PIKFYVE: variants seen among roughly 807,000 people sequenced by gnomAD.
The protein encoded by PIKFYVE is 1-phosphatidylinositol 3-phosphate 5-kinase.
PIKFYVE carries 122 observed loss-of-function variants against 257.9 expected under a neutral mutation model. The ratio of observed to expected loss-of-function variants is 0.47; its 90% CI spans 0.41 to 0.55. The LOEUF is 0.55. Ranked by LOEUF, PIKFYVE falls within the 20% of genes least tolerant of loss-of-function variation. The pLI, the probability that PIKFYVE is intolerant of heterozygous loss-of-function variation, is 0.00. For missense variants in PIKFYVE, 2,160 were observed against 2,536.6 expected, an observed-to-expected ratio of 0.85 and a Z score of 3.19; for synonymous variants, 892 against 868.9, an observed-to-expected ratio of 1.03 and a Z score of -0.47.
At chr2:208,318,051 C>A in intron 16 of PIKFYVE, 110 bp downstream of exon 16, 1 of 1,148,724 alleles carries the variant, frequency 8.7e-7, no homozygotes, top group Non-Finnish European at 1.3e-6. Flanking sequence ...CAATGAAAGG[C>A]AGCTGTGTCT....
intron 17 of PIKFYVE, among the ~76,000 whole-genome samples, chr2:208,321,332 G>T (rs1696178029): frequency 6.6e-6 from 1 of 151,886 alleles, no homozygotes; most frequent in South Asian, 2.1e-4. Context: ...TTCAAGAGTG[G>T]TAGGAGCAAT....
chr2:208,273,693 G>A lies in PIKFYVE; in HGVS notation c.282G>A (p.Lys94=), dbSNP rs1268335408. ...QSVRSPTPYK[K]QLNEELQRRS... ...TTAGGTCACCCACACCTTATAAAAA[G>A]CAGCTTAATGAGGAACTCCAGCGGC... is the stretch of plus-strand genomic sequence containing the variant. Residue 94 remains lysine, a synonymous_variant, in exon 3 of 42, where the codon AAG becomes AAA. Coordinates refer to ENST00000264380, the MANE Select transcript of PIKFYVE (RefSeq NM_015040.4). The A allele has an allele frequency of 6.2e-7, 1 of 1,614,012 alleles. No homozygotes were observed. The highest frequency in any genetic ancestry group is 8.5e-7 in the Non-Finnish European group (1 of 1,180,036).
chr2:208,349,556 T>A (rs1699573970), intron 35 of PIKFYVE, among the ~76,000 whole-genome samples: 1 of 150,444 alleles, frequency 6.6e-6, no homozygotes, highest in South Asian at 2.1e-4. Context: ...TTATATATTA[T>A]GTAACTAGTA....
At position 208,272,555 on chromosome 2, in the gene PIKFYVE, G is replaced by A. The variant is rs539018356; in HGVS notation, c.172+864G>A. ...TATTTTTAAAATGAGCTCTTTTTAA[G>A]TAATATGTCTTTTACTTGGGACAAG... On this transcript the variant is annotated intron_variant, in intron 2 of 41. Coordinates refer to ENST00000264380, the MANE Select transcript of PIKFYVE (RefSeq NM_015040.4). Among the ~76,000 whole-genome samples, 91 of 152,244 alleles carry A rather than the reference G, an allele frequency of 6.0e-4. 4 individuals are homozygous for A. The South Asian group carries it at 0.018, about 31-fold the overall frequency.
chr2:208,302,704 T>C, intron 10 of PIKFYVE: 3 of 297,842 alleles, frequency 1.0e-5, no homozygotes, highest in Non-Finnish European at 2.0e-5. Context: ...GGCCTATGCT[T>C]TTAGAACTGA....
chr2:208,326,352 A>G lies in PIKFYVE; in HGVS notation c.3541A>G (p.Ser1181Gly). The change falls in exon 20 of 42, where the codon AGT becomes GGT. Residue 1181 changes from serine (S) to glycine (G), a missense_variant. By Grantham distance (56) the Ser-to-Gly change is moderately conservative (BLOSUM62 0). Coordinates refer to ENST00000264380, the MANE Select transcript of PIKFYVE (RefSeq NM_015040.4). ...TTCAAAGGATGCATCAAGTACTTCA[A>G]GTGGCCAATCAGGAAGCAAAAATGA... ...AHSKDASSTS[S>G]GQSGSKNEGD... 1 of 1,613,882 alleles carries G rather than the reference A, an allele frequency of 6.2e-7. No homozygotes were observed. The highest frequency in any genetic ancestry group is 1.3e-5 in the African/African-American group (1 of 75,042).
chr2:208,352,551 A>G (rs1699870810), intron 38 of PIKFYVE, 103 bp from the exon 39 acceptor site: 1 of 1,364,634 alleles, frequency 7.3e-7, no homozygotes. Context: ...GGTCATATTA[A>G]TAGAAAATTA....
In PIKFYVE at chr2:208,320,376, G is replaced by T; in HGVS notation, c.2190+17G>T. The T allele has an allele frequency of 6.2e-7, 1 of 1,609,470 alleles. No individual in the cohort carries two copies. Among genetic ancestry groups the T allele is most frequent in the South Asian group, 1.1e-5 (1 of 90,938 alleles). On this transcript the variant is annotated intron_variant, in intron 17 of 41. Coordinates refer to ENST00000264380, the MANE Select transcript of PIKFYVE (RefSeq NM_015040.4). ...GTGCTTCAGGTAAGAATTTACTACT[G>T]AAAATAATAATTTAGAGGGATGTTT...
At chr2:208,294,893 C>T (rs977364642) in intron 7 of PIKFYVE, among the ~76,000 whole-genome samples, 4 of 152,132 alleles carry the variant, frequency 2.6e-5, no homozygotes, top group African/African-American at 7.2e-5. Context: ...AGCCAGAAGC[C>T]GGAGGGAATT....
intron 12 of PIKFYVE, among the ~76,000 whole-genome samples, chr2:208,305,839 G>A (rs1694255287): frequency 6.6e-6 from 1 of 152,132 alleles, no homozygotes; most frequent in Non-Finnish European, 1.5e-5. Context: ...TTGTTATGTT[G>A]TAATAACTGA....
In PIKFYVE at chr2:208,335,336, T is replaced by C; in HGVS notation, c.4173T>C (p.Cys1391=). 6.2e-7 allele frequency: 1 copy of C among 1,611,988 alleles called. No individual in the cohort carries two copies. Among genetic ancestry groups the C allele is most frequent in the Non-Finnish European group, 8.5e-7 (1 of 1,178,164 alleles). ...CTCCCATTCGGCTTCTTGAAGTATG[T>C]GTTCCACTCCCCAAAATATTCATTA... ...SYSPIRLLEV[C]VPLPKIFIKR... is the part of the protein sequence containing the mutation. The change falls in exon 25 of 42, where the codon TGT becomes TGC. Residue 1391 remains cysteine (C), a synonymous_variant. Transcript: ENST00000264380.
chr2:208,302,779 T>C lies in PIKFYVE; in HGVS notation c.1320+426T>C, dbSNP rs529444498. On this transcript the variant is annotated intron_variant, in intron 10 of 41. Transcript: ENST00000264380. ...TGAAATCATTTTGACTCTAGAACTA[T>C]TGTATAACTAGTGATGATGGCTGGG... Among the ~76,000 whole-genome samples, 3 of 152,230 alleles carry C rather than the reference T, an allele frequency of 2.0e-5. No individual in the cohort carries two copies. In the South Asian group the frequency reaches 6.2e-4, roughly 32 times the overall value.
rs577270170 is a variant in PIKFYVE, at chr2:208,349,376, CAG to C, written c.5375-646_5375-645del. Among the ~76,000 whole-genome samples the C allele has an allele frequency of 6.9e-4, 105 of 151,796 alleles. 1 individual carries two copies. The highest frequency in any genetic ancestry group is 3.4e-3 in the Middle Eastern group (1 of 294). ...GTATTTTAAATCTCTAATAATTAAA[CAG>C]AAAGTAGTAGGCTTGCAAAGCAAGT... On this transcript the variant is annotated intron_variant, in intron 35 of 41. Coordinates refer to ENST00000264380, the MANE Select transcript of PIKFYVE (RefSeq NM_015040.4).
chr2:208,354,365 AG>A (rs1392347965), intron 40 of PIKFYVE, among the ~76,000 whole-genome samples: 4 of 152,242 alleles, frequency 2.6e-5, no homozygotes, highest in Non-Finnish European at 4.4e-5. Flanking sequence ...GAATTAAAAA[AG>A]TCACTTATAA....
Position 208,336,169 on chromosome 2 carries a change from C to G in PIKFYVE, c.4489C>G (p.Leu1497Val). Reference protein sequence around the residue: ...FESLIAKKQSLCEVLQAWNNR... With the variant: ...FESLIAKKQSVCEVLQAWNNR... ...GTCACTCATTGCCAAGAAACAAAGTCTCTGTGAAGTGCTGCAAGCTTGGAA... is the reference window on the plus strand; with the variant it reads ...GTCACTCATTGCCAAGAAACAAAGTGTCTGTGAAGTGCTGCAAGCTTGGAA... Residue 1497 changes from leucine (L) to valine (V), a missense_variant, in exon 27 of 42, where the codon CTC becomes GTC. This residue lies in a region of PIKFYVE where 699 missense variants were observed against 855.8 expected (regional missense o/e 0.82). Transcript: ENST00000264380. 2 of 1,614,036 alleles carry G rather than the reference C, an allele frequency of 1.2e-6. No individual in the cohort carries two copies. Among genetic ancestry groups the G allele is most frequent in the Non-Finnish European group, 1.7e-6 (2 of 1,179,942 alleles).
chr2:208,273,783 C>A (rs776606595), intron 3 of PIKFYVE, 50 bp downstream of exon 3: 3 of 1,602,958 alleles, frequency 1.9e-6, no homozygotes, highest in Non-Finnish European at 2.6e-6. Flanking sequence ...GATTTTTCCA[C>A]AGTCATTGTG....
At chr2:208,270,703 C>T (rs1399685196) in intron 1 of PIKFYVE, among the ~76,000 whole-genome samples, 1 of 151,994 alleles carries the variant, frequency 6.6e-6, no homozygotes, top group African/African-American at 2.4e-5. Context: ...ATGTCCTCGT[C>T]TTAGAAATAT....
chr2:208,352,846 A>G, intron 39 of PIKFYVE, 64 bp downstream of exon 39: 6 of 1,558,444 alleles, frequency 3.8e-6, no homozygotes, highest in Non-Finnish European at 5.3e-6. Context: ...TGGTTCTTAA[A>G]TATAGTGAAT....
At position 208,328,230 on chromosome 2, in the gene PIKFYVE, C is replaced by T. The variant is rs1045770206; in HGVS notation, c.3669C>T (p.Ser1223=). ...ACCAGAGACTTTGTGTGCTCTTCAGCAGCTCTTCTGCCCAGTCCAGCAATG... is the reference window on the plus strand; with the variant it reads ...ACCAGAGACTTTGTGTGCTCTTCAGTAGCTCTTCTGCCCAGTCCAGCAATG... ...INHQRLCVLF[S]SSSAQSSNAP... Residue 1223 remains serine (S), a synonymous_variant, in exon 21 of 42, where the codon AGC becomes AGT. Coordinates refer to ENST00000264380, the MANE Select transcript of PIKFYVE (RefSeq NM_015040.4). 2 of 1,613,906 alleles carry T rather than the reference C, an allele frequency of 1.2e-6. No individual in the cohort carries two copies. The highest frequency in any genetic ancestry group is 1.7e-6 in the Non-Finnish European group (2 of 1,179,880).
Sources: allele counts gnomAD v4.1 joint callset (sites outside exome capture counted in the v4.1 genomes callset), GRCh38; gene constraint gnomAD v4.1.1; regional missense constraint gnomAD v4.1.1; transcripts MANE v1.5; gene names NCBI Gene and HGNC (gene_info 2026-07-23, HGNC 2026-07-21).